Variants in COL4A2 observed in about 807,000 individuals in gnomAD.
COL4A2 encodes collagen type IV alpha 2 chain, also known as collagen alpha-2(IV) chain.
Under a neutral mutation model 200.2 loss-of-function variants are expected in COL4A2, and 99 were observed. The observed-to-expected ratio is 0.49, with a 90% CI of 0.42 to 0.58. The LOEUF is 0.58. Among genes scored for constraint, COL4A2 ranks in the 20% least tolerant of loss-of-function variants. COL4A2 has a pLI of 0.00. For synonymous variants in COL4A2, 897 were observed against 900.6 expected (o/e 1.00, Z 0.07); for missense variants, 1,950 against 2,314.1 (o/e 0.84, Z 3.23).
At chr13:110,379,722 C>T (rs1228813394) in intron 4 of COL4A2, among the ~76,000 whole-genome samples, 1 of 152,146 alleles carries the variant, frequency 6.6e-6, no homozygotes, top group African/African-American at 2.4e-5. Flanking sequence ...TTGGCACCAC[C>T]GTGTTTTATC....
In COL4A2 at chr13:110,452,466, G is replaced by T. The variant is rs563515199; in HGVS notation, c.1339+2012G>T. Reference sequence around the variant, plus strand: ...CATGAGCCAACGCGCCCGGCCCAAAGTCTCTGTTTTAATTGTTTGTTTTTG... The same window carrying T: ...CATGAGCCAACGCGCCCGGCCCAAATTCTCTGTTTTAATTGTTTGTTTTTG... On this transcript the variant is annotated intron_variant, in intron 20 of 47. Transcript: ENST00000360467. Among the ~76,000 whole-genome samples, 4 of 152,268 alleles carry T rather than the reference G, an allele frequency of 2.6e-5. No individual in the cohort carries two copies. In the East Asian group the frequency reaches 7.7e-4, roughly 29 times the overall value.
chr13:110,468,470 C>T (rs995496406), intron 27 of COL4A2: 4 of 375,724 alleles, frequency 1.1e-5, no homozygotes, highest in African/African-American at 6.3e-5. Context: ...GGCCGGTCTC[C>T]GGGAAAGCTC....
chr13:110,381,001 A>C (rs1470696548), intron 4 of COL4A2, among the ~76,000 whole-genome samples: 3,000 of 44,352 alleles, frequency 0.068, no homozygotes, highest in Middle Eastern at 0.14. Flanking sequence ...CTATGTCACA[A>C]CCACAGGCTC....
At chr13:110,478,190 G>A (rs371116345) in intron 30 of COL4A2, 26 bp downstream of exon 30, 8 of 1,535,360 alleles carry the variant, frequency 5.2e-6, no homozygotes, top group South Asian at 2.5e-5. Context: ...TCCCATAAAC[G>A]AGTGGGGTCC....
chr13:110,414,561 A>T (rs1180092303), intron 4 of COL4A2, among the ~76,000 whole-genome samples: 2 of 152,212 alleles, frequency 1.3e-5, no homozygotes, highest in Non-Finnish European at 2.9e-5. Context: ...ATGAGCCCCC[A>T]GGTGACTCTC....
At chr13:110,363,559 G>C (rs1877610265) in intron 4 of COL4A2, among the ~76,000 whole-genome samples, 1 of 152,126 alleles carries the variant, frequency 6.6e-6, no homozygotes, top group South Asian at 2.1e-4. Context: ...TTTGTCTTTG[G>C]CTCCTGCTGT....
Position 110,488,837 on chromosome 13 carries a change from T to C in COL4A2, c.3208-608T>C, listed in dbSNP as rs190967717. Among the ~76,000 whole-genome samples, 4 of 152,322 alleles carry C rather than the reference T, an allele frequency of 2.6e-5. No homozygotes were observed. In the East Asian group the frequency reaches 7.7e-4, roughly 29 times the overall value. On this transcript the variant is annotated intron_variant, in intron 34 of 47. Transcript: ENST00000360467. ...ATGTAGTCAGAGTCACCGCCGCCGCTGACATCACCACACTGTCGTGATGGA... is the reference window on the plus strand; with the variant it reads ...ATGTAGTCAGAGTCACCGCCGCCGCCGACATCACCACACTGTCGTGATGGA...
At chr13:110,458,327 C>G (rs7325334) in intron 21 of COL4A2, 193,438 of 354,024 alleles carry the variant, frequency 0.55, 54,921 homozygotes, top group Middle Eastern at 0.65. Flanking sequence ...CATGTCTTCC[C>G]TGCTCACCTA....
At chr13:110,337,446 G>A (rs1334737266) in intron 3 of COL4A2, among the ~76,000 whole-genome samples, 2 of 152,254 alleles carry the variant, frequency 1.3e-5, no homozygotes, top group Non-Finnish European at 2.9e-5. Context: ...AAGGCTGGAA[G>A]CTGTTGCCAG....
intron 27 of COL4A2, 127 bp downstream of exon 27, chr13:110,467,223 C>G: frequency 1.6e-6 from 2 of 1,262,574 alleles, no homozygotes; most frequent in Non-Finnish European, 2.2e-6. Context: ...TGTCCAGCAT[C>G]TCAGCACAAA....
chr13:110,438,105 ACGGGGTG>A (rs1369799925), intron 14 of COL4A2, 68 bp downstream of exon 14: 7 of 1,362,004 alleles, frequency 5.1e-6, no homozygotes, highest in Non-Finnish European at 7.3e-6. Flanking sequence ...GCCAGGCATG[ACGGGGTG>A]CACCATGCGC....
At chr13:110,325,879 G>A (rs1429830862) in intron 3 of COL4A2, among the ~76,000 whole-genome samples, 1 of 152,022 alleles carries the variant, frequency 6.6e-6, no homozygotes, top group Non-Finnish European at 1.5e-5. Flanking sequence ...CACCTCCTGG[G>A]TTCAAGCGAT....
At chr13:110,384,547 A>G (rs1878609025) in intron 4 of COL4A2, among the ~76,000 whole-genome samples, 1 of 152,154 alleles carries the variant, frequency 6.6e-6, no homozygotes, top group South Asian at 2.1e-4. Flanking sequence ...CCAGCTATTA[A>G]TATTACTCCC....
intron 3 of COL4A2, among the ~76,000 whole-genome samples, chr13:110,338,635 G>C (rs1246589180): frequency 6.6e-6 from 1 of 152,232 alleles, no homozygotes; most frequent in South Asian, 2.1e-4. Flanking sequence ...GGGGAGAAAC[G>C]TGCAAGGCAG....
rs536726747 is a variant in COL4A2, at chr13:110,399,867, G to C, written c.181-24867G>C. Among the ~76,000 whole-genome samples the C allele has an allele frequency of 1.1e-4, 16 of 152,314 alleles. No individual in the cohort carries two copies. The East Asian group carries it at 1.4e-3, about 13-fold the overall frequency. On this transcript the variant is annotated intron_variant, in intron 4 of 47. Coordinates refer to ENST00000360467, the MANE Select transcript of COL4A2 (RefSeq NM_001846.4). ...GAAGATTTGAGTGAGGTTTGCTTTGGTCATGGCTTCTGAAGCTTGATAATT... is the reference window on the plus strand; with the variant it reads ...GAAGATTTGAGTGAGGTTTGCTTTGCTCATGGCTTCTGAAGCTTGATAATT...
At chr13:110,327,974 T>C (rs1160843539) in intron 3 of COL4A2, among the ~76,000 whole-genome samples, 1 of 152,214 alleles carries the variant, frequency 6.6e-6, no homozygotes, top group Admixed American at 6.5e-5. Context: ...TTATGAAAGG[T>C]TTTTTAAATG....
rs760877863 is a variant in COL4A2, at chr13:110,491,236, T to G, written c.3350T>G (p.Leu1117Arg). 1 of 1,592,822 alleles carries G rather than the reference T, an allele frequency of 6.3e-7. No homozygotes were observed. The highest frequency in any genetic ancestry group is 8.6e-7 in the Non-Finnish European group (1 of 1,168,152). ...AGCAGCATGTCTGTGGTTGCAGGTC[T>G]GAAGGGATTCTTTGGAGAGAAGGGA... ...GERGTTGIPG[L>R]KGFFGEKGTE... The change falls in exon 37 of 48, where the codon CTG (leucine) becomes CGG (arginine). Residue 1117 changes from leucine to arginine, a missense_variant. Leu to Arg is a moderately radical substitution (Grantham distance 102). Transcript: ENST00000360467.
chr13:110,341,050 G>A (rs1048178015), intron 3 of COL4A2: 13 of 152,492 alleles, frequency 8.5e-5, no homozygotes, highest in African/African-American at 2.9e-4. Flanking sequence ...TTCCCCAGGG[G>A]TGGGGAGGGG....
At position 110,425,057 on chromosome 13, in the gene COL4A2, T is replaced by G. The variant is rs568065959; in HGVS notation, c.360+60T>G. The G allele has an allele frequency of 2.8e-3, 4,505 of 1,596,218 alleles. 124 individuals carry two copies. The African/African-American group carries it at 0.053, about 19-fold the overall frequency. On this transcript the variant is annotated intron_variant, in intron 6 of 47. Transcript: ENST00000360467. ...TGCGTGCATCCTAGGCAATACATTT[T>G]GTGACTTAAAGAAACATTTTGAATG... is the stretch of plus-strand genomic sequence containing the variant.
Sources: gnomAD v4.1 joint callset for allele counts (sites outside exome capture counted in the v4.1 genomes callset) on GRCh38, gnomAD v4.1.1 for gene constraint, MANE v1.5 for transcripts, NCBI Gene and HGNC (gene_info 2026-07-23, HGNC 2026-07-21) for gene names.